PABPC1: variants seen among roughly 807,000 people sequenced by gnomAD.
PABPC1 encodes the protein polyadenylate-binding protein 1.
PABPC1 carries 4 observed loss-of-function variants against 74.0 expected under a neutral mutation model. That is an observed-to-expected ratio of 0.05 (90% CI 0.03 to 0.12). PABPC1 has a LOEUF of 0.12. Among genes scored for constraint, PABPC1 ranks in the 10% least tolerant of loss-of-function variants. The pLI, the probability that PABPC1 is intolerant of heterozygous loss-of-function variation, is 1.00. For missense variants in PABPC1, 271 were observed against 821.1 expected (o/e 0.33, Z 8.19); for synonymous variants, 227 against 264.1 (o/e 0.86, Z 1.36).
chr8:100,704,769 AAAAT>A (rs1383419189), intron 13 of PABPC1, among the ~76,000 whole-genome samples, 153 bp downstream of exon 13: 1 of 152,174 alleles, frequency 6.6e-6, no homozygotes, highest in Non-Finnish European at 1.5e-5. Flanking sequence ...ACCTATCTAT[AAAAT>A]GGGGATAAAT....
chr8:100,711,945 T>C (rs998105953), intron 7 of PABPC1, among the ~76,000 whole-genome samples: 2 of 152,378 alleles, frequency 1.3e-5, no homozygotes, highest in Admixed American at 6.5e-5. Context: ...TACTGCTTTG[T>C]TTCTTAATCT....
chr8:100,719,098 T>C (rs1227676345), intron 1 of PABPC1, among the ~76,000 whole-genome samples: 2 of 152,228 alleles, frequency 1.3e-5, no homozygotes, highest in South Asian at 2.1e-4. Flanking sequence ...CTACAATTAA[T>C]TTCAGGATCT....
intron 1 of PABPC1, among the ~76,000 whole-genome samples, chr8:100,718,923 CA>C (rs955091176): frequency 6.6e-6 from 1 of 150,744 alleles, no homozygotes; most frequent in Admixed American, 6.6e-5. Context: ...TGAAGTTAGA[CA>C]TATTTGGTTT....
intron 14 of PABPC1, among the ~76,000 whole-genome samples, chr8:100,703,675 G>A (rs1810304247): frequency 6.6e-6 from 1 of 152,154 alleles, no homozygotes; most frequent in Admixed American, 6.5e-5. Context: ...GACAGTAGTA[G>A]AGACCCAAGG....
At chr8:100,718,548 C>T (rs113822165) in intron 1 of PABPC1, among the ~76,000 whole-genome samples, 3,453 of 152,292 alleles carry the variant, frequency 0.023, 129 homozygotes, top group African/African-American at 0.077. Context: ...AAATTCTTGA[C>T]GCAATCTCTC....
chr8:100,721,100 G>C lies in PABPC1; in HGVS notation c.193+291C>G, dbSNP rs1337559276. 6.6e-6 allele frequency among the ~76,000 whole-genome samples: 1 copy of C among 152,162 alleles called. No individual in the cohort carries two copies. Among genetic ancestry groups the C allele is most frequent in the African/African-American group, 2.4e-5 (1 of 41,444 alleles). ...CTGGCGGGAGCGCCGCGGAGGAACC[G>C]AATCTCACCCACCCTCCCGGCGCGT... On this transcript the variant is annotated intron_variant, in intron 1 of 14. Transcript: ENST00000318607. The surrounding 1 kb of genome is among the most constrained non-coding windows in gnomAD (Gnocchi z 7.4).
intron 14 of PABPC1, among the ~76,000 whole-genome samples, chr8:100,703,667 C>G (rs1461160709): frequency 6.6e-6 from 1 of 152,110 alleles, no homozygotes; most frequent in African/African-American, 2.4e-5. Flanking sequence ...TGATGAAAGA[C>G]AGTAGTAGAG....
chr8:100,710,680 T>C (rs2129704749), intron 7 of PABPC1, among the ~76,000 whole-genome samples: 1 of 152,188 alleles, frequency 6.6e-6, no homozygotes, highest in Middle Eastern at 3.4e-3. Context: ...TCGAAGAAAA[T>C]ATTTCCAATA....
intron 4 of PABPC1, among the ~76,000 whole-genome samples, chr8:100,714,912 A>T (rs1162305380): frequency 6.6e-6 from 1 of 152,102 alleles, no homozygotes; most frequent in Non-Finnish European, 1.5e-5. Flanking sequence ...ATCAATTTCA[A>T]GTTTTATGAA....
intron 4 of PABPC1, 25 bp downstream of exon 4, chr8:100,715,437 T>C: frequency 6.4e-7 from 1 of 1,563,208 alleles, no homozygotes; most frequent in Non-Finnish European, 8.7e-7. Flanking sequence ...GCTTTGTGTG[T>C]AAAAATTTAA....
At chr8:100,712,826 A>G in intron 5 of PABPC1, 37 bp from the exon 6 acceptor site, 1 of 1,537,674 alleles carries the variant, frequency 6.5e-7, no homozygotes, top group South Asian at 1.3e-5. Context: ...AAAAATCACA[A>G]AACTTTCAAC....
intron 5 of PABPC1, 145 bp downstream of exon 5, chr8:100,712,942 T>C (rs1394753628): frequency 1.9e-6 from 2 of 1,077,842 alleles, no homozygotes; most frequent in African/African-American, 1.6e-5. Flanking sequence ...AGGTTACCAA[T>C]TTATACTCTC....
intron 3 of PABPC1, among the ~76,000 whole-genome samples, chr8:100,715,968 GCTTT>G (rs1055177964): frequency 3.9e-5 from 6 of 152,312 alleles, no homozygotes; most frequent in Middle Eastern, 3.4e-3. Flanking sequence ...TGGCGCTTGC[GCTTT>G]CTTTGCCATC....
intron 12 of PABPC1, 39 bp downstream of exon 12, chr8:100,705,550 A>T: frequency 8.0e-7 from 1 of 1,249,602 alleles, no homozygotes; most frequent in Non-Finnish European, 1.2e-6. Context: ...TATATTTTCT[A>T]GTCTTTCTGA....
intron 9 of PABPC1, 83 bp from the exon 10 acceptor site, chr8:100,707,080 G>A (rs1810399711): frequency 9.7e-7 from 1 of 1,032,860 alleles, no homozygotes; most frequent in African/African-American, 1.6e-5. Context: ...TCGATCTGAG[G>A]TTTGCATAAA....
chr8:100,717,539 T>C (rs957276231), intron 3 of PABPC1, among the ~76,000 whole-genome samples: 2 of 152,236 alleles, frequency 1.3e-5, no homozygotes, highest in Non-Finnish European at 2.9e-5. Context: ...AAACCTGTTA[T>C]TTGTATGTTA....
intron 3 of PABPC1, among the ~76,000 whole-genome samples, chr8:100,716,899 A>G (rs1050706031): frequency 6.6e-6 from 1 of 152,240 alleles, no homozygotes; most frequent in Non-Finnish European, 1.5e-5. Context: ...AATTTCCAAA[A>G]GAGTTATATC....
intron 3 of PABPC1, 133 bp from the exon 4 acceptor site, chr8:100,715,734 G>A: frequency 1.9e-6 from 1 of 523,002 alleles, no homozygotes; most frequent in South Asian, 4.0e-5. Context: ...CTACAAAATA[G>A]AAATAGGGCC....
At chr8:100,706,277 G>A (rs982918016) in intron 11 of PABPC1, among the ~76,000 whole-genome samples, 1 of 152,218 alleles carries the variant, frequency 6.6e-6, no homozygotes, top group African/African-American at 2.4e-5. Context: ...GTTCCAGATA[G>A]GCTAAGCTCT....
Sources: gnomAD v4.1 joint callset for allele counts (sites outside exome capture counted in the v4.1 genomes callset) on GRCh38, gnomAD v4.1.1 for gene constraint, Gnocchi (gnomAD v3.1) non-coding constraint, MANE v1.5 for transcripts, NCBI Gene and HGNC (gene_info 2026-07-23, HGNC 2026-07-21) for gene names.